SCFD2: variants seen among roughly 807,000 people sequenced by gnomAD.
SCFD2 encodes the protein sec1 family domain-containing protein 2.
SCFD2 carries 54 observed loss-of-function variants against 58.9 expected under a neutral mutation model. That is an observed-to-expected ratio of 0.92 (90% CI 0.74 to 1.15). The LOEUF (loss-of-function observed/expected upper bound fraction) is 1.15. Ranked by LOEUF, SCFD2 falls within the 50% of genes most tolerant of loss-of-function variation. SCFD2 has a pLI of 0.00. For synonymous variants in SCFD2, 321 were observed against 335.9 expected (o/e 0.96, Z 0.49); for missense variants, 805 against 836.6 (o/e 0.96, Z 0.47).
At chr4:53,080,002 G>T (rs1724094124) in intron 5 of SCFD2, among the ~76,000 whole-genome samples, 1 of 152,162 alleles carries the variant, frequency 6.6e-6, no homozygotes, top group Non-Finnish European at 1.5e-5. Flanking sequence ...TATTCCTGTT[G>T]TGTAACACAT....
chr4:53,003,941 G>A (rs1017250226), intron 5 of SCFD2, among the ~76,000 whole-genome samples: 1 of 152,202 alleles, frequency 6.6e-6, no homozygotes, highest in African/African-American at 2.4e-5. Flanking sequence ...CTCATTAGGA[G>A]GATGTAAACA....
chr4:53,201,494 T>C (rs556590421), intron 4 of SCFD2, among the ~76,000 whole-genome samples: 25 of 152,322 alleles, frequency 1.6e-4, no homozygotes, highest in African/African-American at 6.0e-4. Flanking sequence ...TACATGTGCA[T>C]GTGTCTTTAT....
rs1182758629 is a variant in SCFD2 at position 53,181,009 on chromosome 4, T to C, written c.1312-35427A>G. Among the ~76,000 whole-genome samples the C allele has an allele frequency of 2.6e-5, 4 of 152,164 alleles. No homozygotes were observed. In the East Asian group the frequency reaches 7.7e-4, roughly 29 times the overall value. On this transcript the variant is annotated intron_variant, in intron 4 of 8. Transcript: ENST00000401642. ...ACAGGCTCTGAAATTGAGGCAATAA[T>C]TAATAGCTTACCAGCCAAAAAAAGT...
chr4:52,953,305 A>G (rs959451542), intron 5 of SCFD2, among the ~76,000 whole-genome samples: 2 of 152,224 alleles, frequency 1.3e-5, no homozygotes, highest in African/African-American at 4.8e-5. Flanking sequence ...TTTATAACCT[A>G]TAGACCTGGT....
At chr4:53,003,253 A>G (rs1337416775) in intron 5 of SCFD2, among the ~76,000 whole-genome samples, 1 of 151,950 alleles carries the variant, frequency 6.6e-6, no homozygotes, top group African/African-American at 2.4e-5. Flanking sequence ...TGGCCCTGGG[A>G]GTAGAGTGAT....
At chr4:53,158,556 T>C (rs1726759266) in intron 4 of SCFD2, among the ~76,000 whole-genome samples, 1 of 146,450 alleles carries the variant, frequency 6.8e-6, no homozygotes, top group Non-Finnish European at 1.5e-5. Flanking sequence ...ATCAGCCAAG[T>C]CTTGATGATT....
At chr4:53,030,557 C>A (rs995006409) in intron 5 of SCFD2, among the ~76,000 whole-genome samples, 3 of 151,972 alleles carry the variant, frequency 2.0e-5, no homozygotes, top group Admixed American at 2.0e-4. Flanking sequence ...CGGGTACCTG[C>A]GACTACAGAC....
intron 5 of SCFD2, among the ~76,000 whole-genome samples, chr4:53,119,317 CA>C (rs59614870): frequency 0.45 from 60,895 of 135,272 alleles, 13,017 homozygotes; most frequent in Non-Finnish European, 0.46. Context: ...GACTCCATCT[CA>C]AAAAAAAAAA....
intron 5 of SCFD2, among the ~76,000 whole-genome samples, chr4:53,055,166 G>A (rs375762178): frequency 1.3e-5 from 2 of 152,192 alleles, no homozygotes; most frequent in African/African-American, 4.8e-5. Context: ...AATCTTTATG[G>A]CAGCCCTTTG....
Position 53,032,254 on chromosome 4 carries a change from C to T in SCFD2, c.1562-111384G>A, listed in dbSNP as rs181741475. 5.3e-5 allele frequency among the ~76,000 whole-genome samples: 8 copies of T among 152,260 alleles called. No homozygotes were observed. In the East Asian group the frequency reaches 1.4e-3, roughly 26 times the overall value. On this transcript the variant is annotated intron_variant, in intron 5 of 8. Transcript: ENST00000401642. The stretch of plus-strand genomic sequence containing the variant: ...AAGCAAAAGCTGAGAGATTTTGTCA[C>T]CACCAGGCATGCCTTACAAGAGCTC...
chr4:53,123,972 C>T (rs1725555190), intron 5 of SCFD2, among the ~76,000 whole-genome samples: 1 of 152,148 alleles, frequency 6.6e-6, no homozygotes, highest in Non-Finnish European at 1.5e-5. Context: ...TCATAGGTAC[C>T]TCTGTGGTAA....
chr4:52,987,052 C>A (rs180881126), intron 5 of SCFD2, among the ~76,000 whole-genome samples: 14 of 152,072 alleles, frequency 9.2e-5, no homozygotes, highest in African/African-American at 3.1e-4. Context: ...TTTTTTGAGA[C>A]GGAGTCTCGC....
At chr4:53,347,124 T>C (rs1302649879) in intron 2 of SCFD2, among the ~76,000 whole-genome samples, 2 of 152,200 alleles carry the variant, frequency 1.3e-5, no homozygotes, top group Admixed American at 6.5e-5. Context: ...TTAAACATTC[T>C]CCAGATATAT....
chr4:53,207,494 CATATATATA>C (rs1728446451), intron 4 of SCFD2, among the ~76,000 whole-genome samples: 1 of 17,826 alleles, frequency 5.6e-5, no homozygotes, highest in Non-Finnish European at 8.9e-5. Flanking sequence ...ATATATATTT[CATATATATA>C]TATTATATAT....
chr4:52,990,728 T>C (rs998469808), intron 5 of SCFD2, among the ~76,000 whole-genome samples: 1 of 152,170 alleles, frequency 6.6e-6, no homozygotes, highest in East Asian at 1.9e-4. Context: ...GTCTATCTTG[T>C]TCATCATGGT....
intron 5 of SCFD2, among the ~76,000 whole-genome samples, chr4:53,082,122 A>G (rs113116086): frequency 2.7e-4 from 41 of 152,234 alleles, no homozygotes; most frequent in African/African-American, 9.4e-4. Context: ...GGTTGTTTCT[A>G]TTGAGTTACT....
At chr4:53,328,837 G>T (rs1430114554) in intron 2 of SCFD2, among the ~76,000 whole-genome samples, 3 of 152,226 alleles carry the variant, frequency 2.0e-5, no homozygotes, top group Admixed American at 2.0e-4. Context: ...GAGGTACCAG[G>T]TTCATCTCAC....
chr4:53,229,375 A>G (rs1321067896), intron 4 of SCFD2, among the ~76,000 whole-genome samples: 1 of 152,232 alleles, frequency 6.6e-6, no homozygotes, highest in Non-Finnish European at 1.5e-5. Context: ...AAACTATACT[A>G]CAAGGCTACA....
At chr4:53,021,754 CT>C (rs1722354526) in intron 5 of SCFD2, among the ~76,000 whole-genome samples, 1 of 152,098 alleles carries the variant, frequency 6.6e-6, no homozygotes, top group Non-Finnish European at 1.5e-5. Flanking sequence ...TTTGACTAGA[CT>C]TTTTTTCCTC....
Sources: gnomAD v4.1 joint callset for allele counts (sites outside exome capture counted in the v4.1 genomes callset) on GRCh38, gnomAD v4.1.1 for gene constraint, MANE v1.5 for transcripts, NCBI Gene and HGNC (gene_info 2026-07-23, HGNC 2026-07-21) for gene names.